The following ARAP2 variants were observed in gnomAD, a reference collection of about 807,000 sequenced individuals.
ARAP2 encodes the protein ArfGAP with RhoGAP domain, ankyrin repeat and PH domain 2, also known as arf-GAP with Rho-GAP domain, ANK repeat and PH domain-containing protein 2.
ARAP2 carries 148 observed loss-of-function variants against 194.5 expected under a neutral mutation model. That is an observed-to-expected ratio of 0.76 (90% CI 0.67 to 0.87). The LOEUF (loss-of-function observed/expected upper bound fraction) is 0.87, where lower values mean the gene tolerates loss of function less well. ARAP2 is among the 40% of genes least tolerant of loss of function. The probability of loss-of-function intolerance (pLI) is 0.00; values close to 1 mark genes in which losing one functional copy is unlikely to be tolerated. For missense variants in ARAP2, 2,128 were observed against 1,989.7 expected, an observed-to-expected ratio of 1.07 and a Z score of -1.32; for synonymous variants, 695 against 683.5, an observed-to-expected ratio of 1.02 and a Z score of -0.26.
chr4:36,206,262 C>G (rs990485563), intron 6 of ARAP2, among the ~76,000 whole-genome samples: 20 of 152,232 alleles, frequency 1.3e-4, no homozygotes, highest in African/African-American at 4.8e-4. Flanking sequence ...TCTGGGAGCT[C>G]TGACTGCCAG....
intron 2 of ARAP2, among the ~76,000 whole-genome samples, chr4:36,218,616 A>T (rs1048699380): frequency 5.9e-5 from 9 of 152,172 alleles, no homozygotes; most frequent in Admixed American, 4.6e-4. Flanking sequence ...TATAAACCTC[A>T]GTGTAATAGG....
At chr4:36,091,051 C>T (rs1042631742) in intron 28 of ARAP2, among the ~76,000 whole-genome samples, 3 of 152,020 alleles carry the variant, frequency 2.0e-5, no homozygotes, top group African/African-American at 4.8e-5. Flanking sequence ...ATATATAATA[C>T]ACATATAAAA....
At chr4:36,056,512 C>CT (rs1723539250) in intron 2 of ARAP2, among the ~76,000 whole-genome samples, 1 of 152,092 alleles carries the variant, frequency 6.6e-6, no homozygotes, top group South Asian at 2.1e-4. Context: ...GAGTATATAT[C>CT]TTTTTCAAAC....
intron 31 of ARAP2, among the ~76,000 whole-genome samples, chr4:36,079,802 G>T (rs1729092063): frequency 6.6e-6 from 1 of 152,148 alleles, no homozygotes; most frequent in Admixed American, 6.5e-5. Flanking sequence ...AGAAAAGTAG[G>T]TTCCTGTCCT....
intron 5 of ARAP2, among the ~76,000 whole-genome samples, chr4:36,025,519 A>C (rs1484510232): frequency 6.6e-6 from 1 of 152,190 alleles, no homozygotes; most frequent in Admixed American, 6.5e-5. Flanking sequence ...TTGTTGTCAC[A>C]CAAACTGGAT....
intron 1 of ARAP2, among the ~76,000 whole-genome samples, chr4:36,058,770 T>G (rs1171373913): frequency 6.6e-6 from 1 of 152,184 alleles, no homozygotes; most frequent in Non-Finnish European, 1.5e-5. Context: ...GACTTTGCAT[T>G]TGCAGTGTTA....
At chr4:36,095,636 C>T (rs866545863) in intron 27 of ARAP2, among the ~76,000 whole-genome samples, 5 of 152,102 alleles carry the variant, frequency 3.3e-5, no homozygotes, top group Non-Finnish European at 5.9e-5. Context: ...TGACAATGTG[C>T]CACACGTAGA....
chr4:36,200,111 A>G (rs1744055061), intron 6 of ARAP2, among the ~76,000 whole-genome samples: 1 of 152,160 alleles, frequency 6.6e-6, no homozygotes, highest in South Asian at 2.1e-4. Context: ...TGAATAATCT[A>G]TTTTCATTAA....
chr4:36,081,692 A>G lies in ARAP2; in HGVS notation c.4544+559T>C, dbSNP rs75379757. ...CCTGAAGAGCACTTAGGACTCCTGG[A>G]ATAATCCAGGCAGATCAATGAAGGC... is the stretch of plus-strand genomic sequence containing the variant. On this transcript the variant is annotated intron_variant, in intron 30 of 32. Coordinates refer to ENST00000303965, the MANE Select transcript of ARAP2 (RefSeq NM_015230.4). 7.5e-3 allele frequency among the ~76,000 whole-genome samples: 1,142 copies of G among 152,132 alleles called. 18 individuals are homozygous for G. Among genetic ancestry groups the G allele is most frequent in the African/African-American group, 0.026 (1,083 of 41,516 alleles).
At chr4:36,078,569 T>C (rs2109335562) in intron 31 of ARAP2, among the ~76,000 whole-genome samples, 2 of 152,316 alleles carry the variant, frequency 1.3e-5, no homozygotes, top group South Asian at 4.1e-4. Context: ...AGAAGGCTTC[T>C]GTGTTTATCT....
At chr4:36,219,448 C>A (rs548294321) in intron 2 of ARAP2, among the ~76,000 whole-genome samples, 1 of 152,118 alleles carries the variant, frequency 6.6e-6, no homozygotes, top group Non-Finnish European at 1.5e-5. Context: ...ATATAAAATT[C>A]CCAAATAGGC....
intron 13 of ARAP2, chr4:36,160,026 G>T (rs1733545946): frequency 2.2e-6 from 2 of 921,414 alleles, no homozygotes; most frequent in Admixed American, 6.2e-5. Context: ...CAGTGAGAAG[G>T]CGGCAATAAA....
chr4:36,219,701 T>A (rs2109306799), intron 2 of ARAP2, among the ~76,000 whole-genome samples: 1 of 152,278 alleles, frequency 6.6e-6, no homozygotes, highest in Middle Eastern at 3.4e-3. Context: ...TATATATGTA[T>A]ACACACATGC....
chr4:36,061,684 G>C (rs1327210709), downstream of ARAP2, among the ~76,000 whole-genome samples: 2 of 152,124 alleles, frequency 1.3e-5, no homozygotes, highest in African/African-American at 4.8e-5. Context: ...ATATACAGCA[G>C]TGGGATTGTT....
rs766233857 is a variant in ARAP2 at position 36,068,204 on chromosome 4, C to A, written c.4818G>T (p.Lys1606Asn). 1.2e-6 allele frequency: 2 copies of A among 1,613,268 alleles called. No individual in the cohort carries two copies. Among genetic ancestry groups the A allele is most frequent in the Non-Finnish European group, 1.7e-6 (2 of 1,179,734 alleles). The change falls in exon 33 of 33, where the codon AAG becomes AAT. Residue 1606 changes from lysine to asparagine, a missense_variant. Lys to Asn is a moderately conservative substitution (Grantham distance 94). Coordinates refer to ENST00000303965, the MANE Select transcript of ARAP2 (RefSeq NM_015230.4). ...CDKESVDSSL[K>N]ERASMVAHCL... ...AGTGGGCCACCATGGAAGCTCTCTCCTTTAAGCTAGAGTCCACGGACTCTT... is the reference window on the plus strand; with the variant it reads ...AGTGGGCCACCATGGAAGCTCTCTCATTTAAGCTAGAGTCCACGGACTCTT...
chr4:36,229,400 C>T lies in ARAP2; in HGVS notation c.87G>A (p.Glu29=), dbSNP rs1357073991. Residue 29 remains glutamate (E), a synonymous_variant, in exon 2 of 33, where the codon GAG becomes GAA. Coordinates refer to ENST00000303965, the MANE Select transcript of ARAP2 (RefSeq NM_015230.4). ...NLEQYLLHFH[E]SGFTTVKDCA... is the part of the protein sequence containing the mutation. ...AGTCCTTCACAGTAGTAAAACCAGA[C>T]TCATGGAAATGTAAGAGATACTGCT... The T allele has an allele frequency of 6.2e-7, 1 of 1,613,858 alleles. No homozygotes were observed. Among genetic ancestry groups the T allele is most frequent in the Non-Finnish European group, 8.5e-7 (1 of 1,179,944 alleles).
intron 3 of ARAP2, 124 bp from the exon 4 acceptor site, chr4:36,213,443 A>G: frequency 1.5e-6 from 1 of 651,010 alleles, no homozygotes; most frequent in Non-Finnish European, 2.6e-6. Context: ...ATTCTGTAAG[A>G]GTCCAAATTA....
intron 1 of ARAP2, among the ~76,000 whole-genome samples, chr4:36,233,692 T>C (rs1012109989): frequency 1.3e-5 from 2 of 152,240 alleles, no homozygotes; most frequent in Admixed American, 6.5e-5. Context: ...GTACCTAGCA[T>C]TGGTGAGGAT....
intron 2 of ARAP2, among the ~76,000 whole-genome samples, chr4:36,220,004 G>T (rs1013041444): frequency 2.0e-5 from 3 of 152,112 alleles, no homozygotes; most frequent in African/African-American, 7.2e-5. Context: ...CATCCTTTAT[G>T]TGTTCATTAT....
Sources: gnomAD v4.1 joint callset for allele counts (sites outside exome capture counted in the v4.1 genomes callset) on GRCh38, gnomAD v4.1.1 for gene constraint, MANE v1.5 for transcripts, NCBI Gene and HGNC (gene_info 2026-07-23, HGNC 2026-07-21) for gene names.